RNF4: variants seen among roughly 807,000 people sequenced by gnomAD.
RNF4 encodes E3 ubiquitin-protein ligase RNF4.
RNF4 carries 7 observed loss-of-function variants against 24.3 expected under a neutral mutation model. The observed-to-expected ratio is 0.29, with a 90% CI of 0.16 to 0.54. RNF4 has a LOEUF of 0.54. RNF4 is among the 20% of genes least tolerant of loss of function. The probability of loss-of-function intolerance (pLI) is 0.95; values close to 1 mark genes in which losing one functional copy is unlikely to be tolerated. For synonymous variants in RNF4, 83 were observed against 84.3 expected (o/e 0.98, Z 0.09); for missense variants, 209 against 248.5 (o/e 0.84, Z 1.07).
intron 7 of RNF4, 96 bp from the exon 8 acceptor site, chr4:2,513,574 T>G (rs1369323143): frequency 6.9e-7 from 1 of 1,448,554 alleles, no homozygotes; most frequent in Non-Finnish European, 9.5e-7. Flanking sequence ...TTCCTTTAAT[T>G]AGTCATCTTA....
At chr4:2,511,058 G>T (rs1736258721) in intron 4 of RNF4, among the ~76,000 whole-genome samples, 4 of 152,226 alleles carry the variant, frequency 2.6e-5, no homozygotes, top group African/African-American at 9.7e-5. Flanking sequence ...CTCCACCTTG[G>T]CAGTGGCCTA....
intron 1 of RNF4, among the ~76,000 whole-genome samples, chr4:2,476,649 C>T (rs1283491624): frequency 1.3e-5 from 2 of 151,962 alleles, no homozygotes; most frequent in Non-Finnish European, 2.9e-5. Context: ...CCTCGGCCTC[C>T]CAAAGTGCTG....
At chr4:2,513,029 A>T (rs1406037734) in intron 6 of RNF4, 54 bp from the exon 7 acceptor site, 1 of 1,529,908 alleles carries the variant, frequency 6.5e-7, no homozygotes, top group Non-Finnish European at 9.1e-7. Flanking sequence ...GTGACAGGGT[A>T]TAATAAAATG....
chr4:2,473,381 TA>T (rs542105879), intron 1 of RNF4, among the ~76,000 whole-genome samples: 32 of 148,710 alleles, frequency 2.2e-4, no homozygotes, highest in Admixed American at 4.7e-4. Context: ...GATTCCGTCT[TA>T]AAAAAAAAAA....
At chr4:2,478,020 C>T (rs1291414537) in intron 1 of RNF4, among the ~76,000 whole-genome samples, 2 of 152,162 alleles carry the variant, frequency 1.3e-5, no homozygotes, top group Non-Finnish European at 2.9e-5. Flanking sequence ...GAAATCCAGG[C>T]TGAGATGGTC....
chr4:2,510,818 A>G (rs1736251493), intron 4 of RNF4, among the ~76,000 whole-genome samples: 1 of 152,208 alleles, frequency 6.6e-6, no homozygotes, highest in Non-Finnish European at 1.5e-5. Flanking sequence ...GCACTTGGCC[A>G]GAAGGTGGGA....
At chr4:2,490,993 C>G (rs531770581) in intron 2 of RNF4, among the ~76,000 whole-genome samples, 6 of 152,200 alleles carry the variant, frequency 3.9e-5, no homozygotes, top group African/African-American at 1.4e-4. Context: ...GAGGCTGAGG[C>G]AGGAAGATTC....
At position 2,512,366 on chromosome 4, in the gene RNF4, CGTCAGGATGGGAGTG is replaced by C. The variant is rs1250710101; in HGVS notation, c.215-69_215-55del. The C allele has an allele frequency of 6.6e-7, 1 of 1,514,796 alleles. No homozygotes were observed. The highest frequency in any genetic ancestry group is 1.4e-5 in the African/African-American group (1 of 72,478). 93.8% of individuals were successfully genotyped at this position (1,514,796 alleles called of 1,614,324 possible). A position where few individuals can be genotyped will look rare whatever the true frequency, so the allele number is the denominator to read the frequency against. ...AGGGAAGGAAGAGGGTCTTAAGAGGCGTCAGGATGGGAGTGGTGAGGATGGTAAGAGTAGAGAGCC... is the reference window on the plus strand; with the variant it reads ...AGGGAAGGAAGAGGGTCTTAAGAGGCGTGAGGATGGTAAGAGTAGAGAGCC... On this transcript the variant is annotated intron_variant, in intron 5 of 7. Coordinates refer to ENST00000314289, the MANE Select transcript of RNF4 (RefSeq NM_002938.5). The surrounding 1 kb of genome is among the most constrained non-coding windows in gnomAD (Gnocchi z 4.1).
intron 3 of RNF4, among the ~76,000 whole-genome samples, chr4:2,498,214 C>T (rs1226861032): frequency 2.0e-5 from 3 of 152,062 alleles, no homozygotes; most frequent in African/African-American, 4.8e-5. Context: ...GGCAGAGTTT[C>T]GTTCTGTCAG....
chr4:2,512,195 C>T lies in RNF4; in HGVS notation c.214+230C>T, dbSNP rs961264777. On this transcript the variant is annotated intron_variant, in intron 5 of 7. Transcript: ENST00000314289. The surrounding 1 kb of genome is among the most constrained non-coding windows in gnomAD (Gnocchi z 4.1). ...CTGAGCTATAGTCCTTTCTTGTGGC[C>T]TACCAGATTTTGGAGAAGGCTGGTA... The T allele has an allele frequency of 4.5e-5, 29 of 645,936 alleles. No individual in the cohort carries two copies. The highest frequency in any genetic ancestry group is 7.2e-5 in the Non-Finnish European group (27 of 373,230). 40.0% of individuals were successfully genotyped at this position (645,936 alleles called of 1,614,324 possible).
chr4:2,512,246 C>A lies in RNF4; in HGVS notation c.215-192C>A. ...GCTCACAGCAGGGGTTGGGGGGTTT[C>A]TCCTGGGAAGATAAGATAGTGGCCT... On this transcript the variant is annotated intron_variant, in intron 5 of 7. Coordinates refer to ENST00000314289, the MANE Select transcript of RNF4 (RefSeq NM_002938.5). The surrounding 1 kb of genome is among the most constrained non-coding windows in gnomAD (Gnocchi z 4.1). 1 of 723,786 alleles carries A rather than the reference C, an allele frequency of 1.4e-6. No individual in the cohort carries two copies. The highest frequency in any genetic ancestry group is 2.3e-6 in the Non-Finnish European group (1 of 438,512). 44.8% of individuals were successfully genotyped at this position (723,786 alleles called of 1,614,324 possible). A position where few individuals can be genotyped will look rare whatever the true frequency, so the allele number is the denominator to read the frequency against.
intron 1 of RNF4, among the ~76,000 whole-genome samples, chr4:2,489,633 G>A (rs941033068): frequency 1.3e-5 from 2 of 152,208 alleles, no homozygotes; most frequent in Non-Finnish European, 2.9e-5. Context: ...GTGGCCACAA[G>A]GGTCTTGTCC....
At chr4:2,505,549 T>G (rs559422852) in intron 4 of RNF4, 2 of 149,204 alleles carry the variant, frequency 1.3e-5, no homozygotes, top group South Asian at 2.1e-4. Context: ...ATGGTCTCGA[T>G]CTCCTGACCT....
intron 4 of RNF4, among the ~76,000 whole-genome samples, chr4:2,506,571 C>A (rs1402796230): frequency 7.2e-6 from 1 of 138,876 alleles, no homozygotes; most frequent in Admixed American, 7.2e-5. Flanking sequence ...TCTTCTTCTT[C>A]TTTTTTTTTC....
In RNF4 at chr4:2,513,247, C is replaced by A. The variant is rs2108780760; in HGVS notation, c.423+116C>A. 7 of 952,952 alleles carry A rather than the reference C, an allele frequency of 7.3e-6. No homozygotes were observed. The Admixed American group carries it at 1.1e-4, about 15-fold the overall frequency. The allele number at this position is 952,952 out of a possible 1,614,324, so 59.0% of individuals were successfully genotyped here. A position where few individuals can be genotyped will look rare whatever the true frequency, so the allele number is the denominator to read the frequency against. On this transcript the variant is annotated intron_variant, in intron 7 of 7. Coordinates refer to ENST00000314289, the MANE Select transcript of RNF4 (RefSeq NM_002938.5). The stretch of plus-strand genomic sequence containing the variant: ...TTGGACACCCCTACTCACAGTCATG[C>A]CTGGGCCGTCACTTATTGCAGATCT...
chr4:2,511,694 AC>A (rs2108779563), intron 4 of RNF4, among the ~76,000 whole-genome samples: 1 of 152,284 alleles, frequency 6.6e-6, no homozygotes, highest in African/African-American at 2.4e-5. Context: ...GGCTGTGTTC[AC>A]GCTCCAGGAG....
intron 1 of RNF4, chr4:2,480,091 C>T (rs1735202346): frequency 1.3e-5 from 2 of 151,804 alleles, no homozygotes; most frequent in South Asian, 4.2e-4. Context: ...CCACCACACC[C>T]TGCTAATTTT....
intron 2 of RNF4, among the ~76,000 whole-genome samples, chr4:2,492,998 G>T (rs1735626242): frequency 6.6e-6 from 1 of 152,198 alleles, no homozygotes; most frequent in South Asian, 2.1e-4. Flanking sequence ...TTCACCAAAA[G>T]CTATGGACCT....
chr4:2,488,438 G>A (rs1411580449), intron 1 of RNF4, among the ~76,000 whole-genome samples: 1 of 152,202 alleles, frequency 6.6e-6, no homozygotes, highest in Non-Finnish European at 1.5e-5. Flanking sequence ...GGGCAACAGA[G>A]TGAGACTCCG....
Sources: allele counts gnomAD v4.1 joint callset (sites outside exome capture counted in the v4.1 genomes callset), GRCh38; gene constraint gnomAD v4.1.1; non-coding constraint Gnocchi (gnomAD v3.1); transcripts MANE v1.5; gene names NCBI Gene and HGNC (gene_info 2026-07-23, HGNC 2026-07-21).